The following COL26A1 variants were observed in gnomAD, a reference collection of about 807,000 sequenced individuals.
COL26A1 encodes the protein collagen alpha-1(XXVI) chain.
A neutral mutation model predicts 59.3 loss-of-function variants in COL26A1; 41 were observed. That is an observed-to-expected ratio of 0.69 (90% CI 0.54 to 0.90). COL26A1 has a LOEUF of 0.90. COL26A1 is among the 40% of genes least tolerant of loss of function. The probability of loss-of-function intolerance (pLI) is 0.00; values close to 1 mark genes in which losing one functional copy is unlikely to be tolerated. For missense variants in COL26A1, 612 were observed against 602.3 expected, an observed-to-expected ratio of 1.02 and a Z score of -0.17; for synonymous variants, 266 against 256.0, an observed-to-expected ratio of 1.04 and a Z score of -0.37.
chr7:101,388,641 G>A (rs1791650633), intron 1 of COL26A1, among the ~76,000 whole-genome samples: 3 of 149,908 alleles, frequency 2.0e-5, no homozygotes, highest in African/African-American at 7.4e-5. Context: ...TCAGTTCACT[G>A]CAACCTCCAC....
chr7:101,442,270 G>A (rs1052580689), intron 2 of COL26A1, among the ~76,000 whole-genome samples: 2 of 152,002 alleles, frequency 1.3e-5, no homozygotes, highest in East Asian at 1.9e-4. Context: ...GCCTGCTTTC[G>A]GCTGGCAGAT....
At chr7:101,400,662 G>T (rs564412676) in intron 1 of COL26A1, among the ~76,000 whole-genome samples, 152 of 152,204 alleles carry the variant, frequency 1.0e-3, no homozygotes, top group Middle Eastern at 3.4e-3. Context: ...AGGTTCAAAC[G>T]ATTCTTCTGC....
At chr7:101,387,761 TATATATATA>T (rs1337302099) in intron 1 of COL26A1, among the ~76,000 whole-genome samples, 15 of 78,438 alleles carry the variant, frequency 1.9e-4, no homozygotes, top group African/African-American at 6.8e-4. Flanking sequence ...TATTTATATA[TATATATATA>T]TATATATATT....
At chr7:101,410,744 C>T (rs1792224698) in intron 1 of COL26A1, among the ~76,000 whole-genome samples, 1 of 151,978 alleles carries the variant, frequency 6.6e-6, no homozygotes, top group South Asian at 2.1e-4. Flanking sequence ...GTAGCCCAGG[C>T]TGGAGTGGAA....
At chr7:101,403,230 A>G (rs751634512) in intron 1 of COL26A1, among the ~76,000 whole-genome samples, 3 of 152,146 alleles carry the variant, frequency 2.0e-5, no homozygotes, top group African/African-American at 7.2e-5. Context: ...GTCTTCACAG[A>G]GTGGGAGATG....
At chr7:101,534,805 C>CG (rs1795447584) in intron 4 of COL26A1, among the ~76,000 whole-genome samples, 1 of 151,612 alleles carries the variant, frequency 6.6e-6, no homozygotes, top group South Asian at 2.1e-4. Flanking sequence ...GACCACCACC[C>CG]GCCAGCTGGG....
chr7:101,363,788 G>A (rs1228049974), intron 1 of COL26A1, among the ~76,000 whole-genome samples: 1 of 152,202 alleles, frequency 6.6e-6, no homozygotes, highest in Non-Finnish European at 1.5e-5. Context: ...CTGGGGCTCT[G>A]CCCGGGGCGT....
chr7:101,449,049 C>T (rs563250203), intron 3 of COL26A1, among the ~76,000 whole-genome samples: 3 of 152,316 alleles, frequency 2.0e-5, no homozygotes, highest in Non-Finnish European at 2.9e-5. Context: ...CCAGGGAGTC[C>T]GACAGGTGCC....
chr7:101,438,402 A>G (rs1208750248), intron 2 of COL26A1, among the ~76,000 whole-genome samples: 1 of 151,480 alleles, frequency 6.6e-6, no homozygotes, highest in Non-Finnish European at 1.5e-5. Context: ...ACAAAAAAGC[A>G]TCACTTGGGA....
intron 1 of COL26A1, among the ~76,000 whole-genome samples, chr7:101,383,510 G>C (rs1346024520): frequency 6.6e-6 from 1 of 151,260 alleles, no homozygotes; most frequent in East Asian, 1.9e-4. Context: ...GGGATTACAG[G>C]CATGTGCCAC....
chr7:101,431,308 A>G (rs1792773443), intron 2 of COL26A1, among the ~76,000 whole-genome samples: 1 of 152,072 alleles, frequency 6.6e-6, no homozygotes, highest in African/African-American at 2.4e-5. Flanking sequence ...GCTGGAGTGC[A>G]CTGGTGCAGT....
At chr7:101,494,626 T>C (rs1001356512) in intron 3 of COL26A1, among the ~76,000 whole-genome samples, 6 of 152,234 alleles carry the variant, frequency 3.9e-5, no homozygotes, top group African/African-American at 1.4e-4. Context: ...TCGTCTGCAT[T>C]TCCAGCCAGG....
intron 3 of COL26A1, among the ~76,000 whole-genome samples, chr7:101,491,543 T>C (rs767256979): frequency 2.0e-5 from 3 of 152,182 alleles, no homozygotes; most frequent in South Asian, 4.1e-4. Flanking sequence ...AGAGCAGCCC[T>C]GAGGGGTGCT....
At chr7:101,514,027 A>G (rs1313293233) in intron 3 of COL26A1, among the ~76,000 whole-genome samples, 2 of 152,144 alleles carry the variant, frequency 1.3e-5, no homozygotes, top group Non-Finnish European at 2.9e-5. Context: ...TTAACAATGT[A>G]GAAAATGCAA....
intron 1 of COL26A1, among the ~76,000 whole-genome samples, chr7:101,388,570 CTTT>C (rs542807870): frequency 2.9e-5 from 4 of 139,368 alleles, no homozygotes; most frequent in Non-Finnish European, 1.5e-5. Flanking sequence ...CACCTATTTT[CTTT>C]TTTTTTTTTT....
intron 2 of COL26A1, among the ~76,000 whole-genome samples, chr7:101,436,175 G>C (rs1357152036): frequency 6.6e-6 from 1 of 152,080 alleles, no homozygotes; most frequent in Non-Finnish European, 1.5e-5. Context: ...TTTGGCAGAA[G>C]ACCCTGCCCA....
chr7:101,419,449 C>T (rs189839651), intron 1 of COL26A1, among the ~76,000 whole-genome samples: 9 of 152,174 alleles, frequency 5.9e-5, no homozygotes, highest in African/African-American at 1.9e-4. Context: ...CTAGACTTGC[C>T]GTGGTCTCTC....
At chr7:101,386,796 A>G (rs1245300450) in intron 1 of COL26A1, among the ~76,000 whole-genome samples, 2 of 152,092 alleles carry the variant, frequency 1.3e-5, no homozygotes, top group African/African-American at 2.4e-5. Context: ...CCCAGACCCA[A>G]TGTGAGGGTC....
chr7:101,489,263 G>T (rs1794333623), intron 3 of COL26A1, among the ~76,000 whole-genome samples: 1 of 152,114 alleles, frequency 6.6e-6, no homozygotes, highest in African/African-American at 2.4e-5. Context: ...AGATTCCTCA[G>T]CCAAAGGCAC....
Sources: allele counts gnomAD v4.1 joint callset (sites outside exome capture counted in the v4.1 genomes callset), GRCh38; gene constraint gnomAD v4.1.1; transcripts MANE v1.5; gene names NCBI Gene and HGNC (gene_info 2026-07-23, HGNC 2026-07-21).